The following FRMD4B variants were observed in gnomAD, a reference collection of about 807,000 sequenced individuals.
The protein encoded by FRMD4B is FERM domain-containing protein 4B.
A neutral mutation model predicts 141.5 loss-of-function variants in FRMD4B; 74 were observed. That is an observed-to-expected ratio of 0.52 (90% CI 0.43 to 0.63). FRMD4B has a LOEUF of 0.63. FRMD4B is among the 30% of genes least tolerant of loss of function. The pLI, the probability that FRMD4B is intolerant of heterozygous loss-of-function variation, is 0.00. For missense variants in FRMD4B, 1,366 were observed against 1,253.4 expected, an observed-to-expected ratio of 1.09 and a Z score of -1.36; for synonymous variants, 506 against 467.9, an observed-to-expected ratio of 1.08 and a Z score of -1.05.
intron 1 of FRMD4B, among the ~76,000 whole-genome samples, chr3:69,381,955 G>C (rs1344192939): frequency 6.6e-6 from 1 of 152,094 alleles, no homozygotes; most frequent in African/African-American, 2.4e-5. Context: ...GCAATCCAGT[G>C]TTTCTTAACC....
chr3:69,171,708 A>T lies in FRMD4B; in HGVS notation c.*153T>A. On this transcript the variant is annotated 3_prime_UTR_variant, in exon 23 of 23. Coordinates refer to ENST00000398540, the MANE Select transcript of FRMD4B (RefSeq NM_015123.3). ...GGGGCTTTGTGGGGCTTGGTGTGTG[A>T]TTCACTGATTCACTTCCAGGGCAAC... 1 of 711,590 alleles carries T rather than the reference A, an allele frequency of 1.4e-6. No individual in the cohort carries two copies. Among genetic ancestry groups the T allele is most frequent in the Non-Finnish European group, 2.4e-6 (1 of 420,550 alleles). The allele number at this position is 711,590 out of a possible 1,614,324, so 44.1% of individuals were successfully genotyped here.
chr3:69,339,044 C>G (rs562566588), intron 1 of FRMD4B, among the ~76,000 whole-genome samples: 5 of 152,252 alleles, frequency 3.3e-5, no homozygotes, highest in African/African-American at 9.6e-5. Context: ...TTATATTCCT[C>G]TATTTATGCC....
chr3:69,212,367 AAAAAAAAAAAAAAG>A (rs2093091450), intron 11 of FRMD4B, among the ~76,000 whole-genome samples: 2 of 67,682 alleles, frequency 3.0e-5, no homozygotes, highest in African/African-American at 4.8e-5. Flanking sequence ...CTCAAAAAAA[AAAAAAAAAAAAAAG>A]AAAAAAAAAA....
chr3:69,470,249 G>A (rs1329892392), intron 1 of FRMD4B, among the ~76,000 whole-genome samples: 2 of 152,150 alleles, frequency 1.3e-5, no homozygotes, highest in Admixed American at 1.3e-4. Context: ...GAAAGCTTTT[G>A]TTTTGCCAAA....
At chr3:69,235,890 C>G (rs1400106488) in intron 7 of FRMD4B, among the ~76,000 whole-genome samples, 1 of 152,116 alleles carries the variant, frequency 6.6e-6, no homozygotes, top group African/African-American at 2.4e-5. Context: ...AACAACTTTG[C>G]CTTACTCCTC....
intron 5 of FRMD4B, among the ~76,000 whole-genome samples, chr3:69,261,462 T>C (rs998692911): frequency 1.3e-5 from 2 of 152,230 alleles, no homozygotes; most frequent in African/African-American, 2.4e-5. Context: ...CTAATAATGT[T>C]AACTTTTAGC....
intron 19 of FRMD4B, among the ~76,000 whole-genome samples, chr3:69,184,482 T>G (rs191155696): frequency 6.2e-4 from 95 of 152,340 alleles, no homozygotes; most frequent in Non-Finnish European, 9.4e-4. Flanking sequence ...ATTTAAATAA[T>G]CAGCTAGTTG....
At chr3:69,407,858 T>C (rs1265037439) in intron 2 of FRMD4B, among the ~76,000 whole-genome samples, 10 of 152,218 alleles carry the variant, frequency 6.6e-5, no homozygotes, top group Admixed American at 6.5e-4. Flanking sequence ...TTTCCAAATA[T>C]TAGGCATTTG....
At chr3:69,282,020 T>C (rs1221059377) in intron 5 of FRMD4B, among the ~76,000 whole-genome samples, 3 of 152,174 alleles carry the variant, frequency 2.0e-5, no homozygotes, top group African/African-American at 7.2e-5. Context: ...ACAGAACCCA[T>C]TGAGAGCCAC....
At chr3:69,454,722 G>A (rs2106899472) in intron 1 of FRMD4B, among the ~76,000 whole-genome samples, 1 of 152,332 alleles carries the variant, frequency 6.6e-6, no homozygotes, top group South Asian at 2.1e-4. Flanking sequence ...CCCCGCAGTG[G>A]GCTCTGGTGC....
intron 1 of FRMD4B, among the ~76,000 whole-genome samples, chr3:69,324,549 C>A (rs748643627): frequency 5.3e-5 from 8 of 152,224 alleles, no homozygotes; most frequent in Non-Finnish European, 1.0e-4. Context: ...GACCTCTACC[C>A]ACTAGATGTC....
At chr3:69,375,580 A>G (rs1703951618) in intron 1 of FRMD4B, among the ~76,000 whole-genome samples, 1 of 152,234 alleles carries the variant, frequency 6.6e-6, no homozygotes, top group African/African-American at 2.4e-5. Context: ...ATCTTTAAGC[A>G]GTAGACTATG....
At chr3:69,317,594 A>C (rs752075713) in intron 1 of FRMD4B, among the ~76,000 whole-genome samples, 1 of 151,922 alleles carries the variant, frequency 6.6e-6, no homozygotes, top group Non-Finnish European at 1.5e-5. Context: ...CTCTACTAAA[A>C]AAATACAAAA....
intron 7 of FRMD4B, among the ~76,000 whole-genome samples, chr3:69,237,297 C>CAA (rs2093351603): frequency 1.3e-5 from 2 of 152,262 alleles, no homozygotes; most frequent in Non-Finnish European, 2.9e-5. Context: ...GCCACAGGGT[C>CAA]TTTCATTTTT....
intron 1 of FRMD4B, among the ~76,000 whole-genome samples, chr3:69,513,275 T>A (rs922040020): frequency 1.4e-4 from 22 of 152,118 alleles, no homozygotes; most frequent in African/African-American, 5.3e-4. Flanking sequence ...CAATGAACAA[T>A]TGTATACCAA....
At chr3:69,181,824 T>A in intron 20 of FRMD4B, 114 bp from the exon 21 acceptor site, 1 of 655,450 alleles carries the variant, frequency 1.5e-6, no homozygotes, top group South Asian at 2.0e-5. Flanking sequence ...AATAGGACTT[T>A]GAGTTGCCAA....
rs760224201 is a variant in FRMD4B at position 69,180,997 on chromosome 3, G to A, written c.2753C>T (p.Thr918Ile). The change falls in exon 21 of 23, where the codon ACC becomes ATC. Residue 918 changes from threonine (T) to isoleucine (I), a missense_variant. By Grantham distance (89) the Thr-to-Ile change is moderately conservative (BLOSUM62 -1). Transcript: ENST00000398540. ...GQKDQGHSPQTSFDSDRGSQR... is the reference protein window; with the variant it reads ...GQKDQGHSPQISFDSDRGSQR... ...TGATCCCCTGTCTGAGTCAAAGCTG[G>A]TCTGCGGGCTGTGTCCCTGATCCTT... 1.9e-6 allele frequency: 3 copies of A among 1,614,008 alleles called. No individual in the cohort carries two copies. Among genetic ancestry groups the A allele is most frequent in the Non-Finnish European group, 1.7e-6 (2 of 1,179,876 alleles).
upstream of FRMD4B, among the ~76,000 whole-genome samples, chr3:69,388,461 C>T (rs1225454743): frequency 6.6e-6 from 1 of 152,072 alleles, no homozygotes; most frequent in African/African-American, 2.4e-5. Flanking sequence ...GTGAGATCAG[C>T]GATCAGAGCT....
At position 69,267,587 on chromosome 3, in the gene FRMD4B, GTGTGTGTGTATATATATATATATATATA is replaced by G. The variant is rs755621925; in HGVS notation, c.502-17516_502-17489del. On this transcript the variant is annotated intron_variant, in intron 5 of 22. Transcript: ENST00000398540. ...AGTACATATATATATATGTGTGTGT[GTGTGTGTGTATATATATATATATATATA>G]TATATATATATATATATATATAGAG... Among the ~76,000 whole-genome samples the G allele has an allele frequency of 3.7e-3, 197 of 53,646 alleles. 3 individuals are homozygous for G. The highest frequency in any genetic ancestry group is 0.021 in the East Asian group (46 of 2,186). 35.2% of individuals were successfully genotyped at this position (53,646 alleles called of 152,430 possible).
Sources: allele counts gnomAD v4.1 joint callset (sites outside exome capture counted in the v4.1 genomes callset), GRCh38; gene constraint gnomAD v4.1.1; transcripts MANE v1.5; gene names NCBI Gene and HGNC (gene_info 2026-07-23, HGNC 2026-07-21).